FOXN3: variants seen among roughly 807,000 people sequenced by gnomAD.
FOXN3 encodes forkhead box protein N3.
Under a neutral mutation model 38.4 loss-of-function variants are expected in FOXN3, and 7 were observed. The observed-to-expected ratio is 0.18, with a 90% CI of 0.10 to 0.34. The LOEUF (loss-of-function observed/expected upper bound fraction) is 0.34. Among genes scored for constraint, FOXN3 ranks in the 10% least tolerant of loss-of-function variants. The pLI is 1.00. For missense variants in FOXN3, 456 were observed against 613.4 expected, an observed-to-expected ratio of 0.74 and a Z score of 2.71; for synonymous variants, 230 against 242.2, an observed-to-expected ratio of 0.95 and a Z score of 0.47.
chr14:89,178,454 T>G (rs1199551442), intron 5 of FOXN3, among the ~76,000 whole-genome samples: 1 of 152,208 alleles, frequency 6.6e-6, no homozygotes, highest in Non-Finnish European at 1.5e-5. Context: ...CCAGCCCTGG[T>G]TAACATTAAA....
intron 4 of FOXN3, among the ~76,000 whole-genome samples, chr14:89,255,997 A>G (rs1375538012): frequency 6.6e-6 from 1 of 152,134 alleles, no homozygotes; most frequent in East Asian, 1.9e-4. Context: ...GGCTCACAGT[A>G]AGTCTAGAGG....
chr14:89,336,817 T>G (rs1283770677), intron 3 of FOXN3, among the ~76,000 whole-genome samples: 1 of 152,222 alleles, frequency 6.6e-6, no homozygotes, highest in Non-Finnish European at 1.5e-5. Context: ...GAATATCGGA[T>G]GGAAATAGAT....
intron 1 of FOXN3, among the ~76,000 whole-genome samples, chr14:89,439,076 G>A (rs1301057494): frequency 1.3e-5 from 2 of 152,030 alleles, no homozygotes; most frequent in African/African-American, 4.8e-5. Context: ...TTTTCTTAAA[G>A]AGGTACCCAC....
intron 1 of FOXN3, among the ~76,000 whole-genome samples, chr14:89,566,900 C>G (rs1895366142): frequency 6.6e-6 from 1 of 151,932 alleles, no homozygotes; most frequent in African/African-American, 2.4e-5. Context: ...CCCCTACCCC[C>G]TCCTTCTCCC....
chr14:89,195,815 T>C (rs1888084776), intron 4 of FOXN3, among the ~76,000 whole-genome samples: 1 of 152,174 alleles, frequency 6.6e-6, no homozygotes, highest in Non-Finnish European at 1.5e-5. Context: ...TTTAAATTTT[T>C]GGATGGGCAG....
intron 3 of FOXN3, among the ~76,000 whole-genome samples, chr14:89,287,854 CAGCCTGGGAAACGTT>C (rs1412058557): frequency 6.6e-6 from 1 of 151,314 alleles, no homozygotes; most frequent in Non-Finnish European, 1.5e-5. Context: ...AGTTTGAGAC[CAGCCTGGGAAACGTT>C]AAAAATAAAA....
chr14:89,606,961 G>T (rs888238850), intron 1 of FOXN3, among the ~76,000 whole-genome samples: 1 of 152,150 alleles, frequency 6.6e-6, no homozygotes, highest in Non-Finnish European at 1.5e-5. Context: ...CAGGCACTTC[G>T]TAAATGAAGA....
chr14:89,309,096 G>A (rs1480550908), intron 3 of FOXN3, among the ~76,000 whole-genome samples: 3 of 152,150 alleles, frequency 2.0e-5, no homozygotes, highest in Admixed American at 6.5e-5. Flanking sequence ...TAGTTTAAAT[G>A]CTCTTTATAT....
At chr14:89,292,082 C>G (rs1006805455) in intron 3 of FOXN3, among the ~76,000 whole-genome samples, 1 of 152,176 alleles carries the variant, frequency 6.6e-6, no homozygotes, top group African/African-American at 2.4e-5. Flanking sequence ...CTTTTCTAAA[C>G]GAAGGACATG....
intron 1 of FOXN3, among the ~76,000 whole-genome samples, chr14:89,554,154 A>G (rs1895065203): frequency 6.6e-6 from 1 of 152,098 alleles, no homozygotes; most frequent in African/African-American, 2.4e-5. Context: ...GGTGCCCGCC[A>G]CCATACCCGG....
chr14:89,508,278 G>A (rs914889246), intron 1 of FOXN3, among the ~76,000 whole-genome samples: 6 of 152,164 alleles, frequency 3.9e-5, no homozygotes, highest in African/African-American at 4.8e-5. Context: ...CAAAGCATAC[G>A]CCCTGCTGAA....
At chr14:89,580,322 C>A (rs1046801598) in intron 1 of FOXN3, among the ~76,000 whole-genome samples, 1 of 152,184 alleles carries the variant, frequency 6.6e-6, no homozygotes, top group African/African-American at 2.4e-5. Flanking sequence ...TCTGTAAACT[C>A]TCAGAGGATG....
At chr14:89,205,299 T>C (rs1346444490) in intron 4 of FOXN3, among the ~76,000 whole-genome samples, 1 of 151,886 alleles carries the variant, frequency 6.6e-6, no homozygotes, top group Admixed American at 6.6e-5. Context: ...TGGGAGGTGA[T>C]GAGGTCATGA....
At chr14:89,289,079 G>C (rs1003188158) in intron 3 of FOXN3, among the ~76,000 whole-genome samples, 7 of 151,196 alleles carry the variant, frequency 4.6e-5, no homozygotes, top group African/African-American at 1.7e-4. Flanking sequence ...CTACTCAGGA[G>C]GCTTAGGCAC....
chr14:89,183,412 A>G (rs983436341), intron 4 of FOXN3, among the ~76,000 whole-genome samples: 2 of 150,504 alleles, frequency 1.3e-5, no homozygotes, highest in Non-Finnish European at 2.9e-5. Context: ...GTACTTTCCT[A>G]TATATTAGAT....
chr14:89,596,273 G>A (rs893275624), intron 1 of FOXN3, among the ~76,000 whole-genome samples: 3 of 152,090 alleles, frequency 2.0e-5, no homozygotes, highest in Non-Finnish European at 2.9e-5. Context: ...AAGTAGCTAG[G>A]ATTATAGGCA....
At chr14:89,413,958 G>C (rs1214863606) in intron 1 of FOXN3, among the ~76,000 whole-genome samples, 5 of 139,744 alleles carry the variant, frequency 3.6e-5, no homozygotes, top group African/African-American at 1.4e-4. Context: ...GGGAGGAGGA[G>C]GAGGGATGGA....
chr14:89,280,675 G>A (rs550601591), intron 4 of FOXN3, among the ~76,000 whole-genome samples: 6 of 152,048 alleles, frequency 3.9e-5, no homozygotes, highest in South Asian at 2.1e-4. Context: ...AAAGCAAGCC[G>A]AACACTTCCA....
intron 1 of FOXN3, among the ~76,000 whole-genome samples, chr14:89,527,543 C>A (rs11845079): frequency 0.25 from 37,478 of 151,746 alleles, 5,117 homozygotes; most frequent in African/African-American, 0.36. Context: ...AATAACCAAC[C>A]CAACAATATA....
Sources: allele counts gnomAD v4.1 joint callset (sites outside exome capture counted in the v4.1 genomes callset), GRCh38; gene constraint gnomAD v4.1.1; transcripts MANE v1.5; gene names NCBI Gene and HGNC (gene_info 2026-07-23, HGNC 2026-07-21).